Variants in VAT1L observed in about 807,000 individuals in gnomAD.
VAT1L encodes the protein vesicle amine transport 1 like.
VAT1L carries 34 observed loss-of-function variants against 44.1 expected under a neutral mutation model. That is an observed-to-expected ratio of 0.77 (90% CI 0.59 to 1.03). VAT1L has a LOEUF of 1.03. Ranked by LOEUF, VAT1L falls within the 50% of genes least tolerant of loss-of-function variation. The pLI, the probability that VAT1L is intolerant of heterozygous loss-of-function variation, is 0.00. For synonymous variants in VAT1L, 253 were observed against 202.2 expected (o/e 1.25, Z -2.13); for missense variants, 615 against 538.8 (o/e 1.14, Z -1.40).
intron 3 of VAT1L, among the ~76,000 whole-genome samples, chr16:77,831,224 T>C (rs1437999989): frequency 6.6e-6 from 1 of 152,184 alleles, no homozygotes; most frequent in Non-Finnish European, 1.5e-5. Flanking sequence ...ATGAAAATGG[T>C]AACATTTACC....
At chr16:77,968,585 C>T (rs1047343538) in intron 7 of VAT1L, among the ~76,000 whole-genome samples, 1 of 152,006 alleles carries the variant, frequency 6.6e-6, no homozygotes, top group East Asian at 2.0e-4. Context: ...ATTAGCCGGG[C>T]GTGGTGGCAG....
At chr16:77,957,038 T>A (rs536263522) in intron 7 of VAT1L, among the ~76,000 whole-genome samples, 1 of 152,208 alleles carries the variant, frequency 6.6e-6, no homozygotes, top group Non-Finnish European at 1.5e-5. Context: ...ATTAAAGTAA[T>A]TGTGGATTTT....
At chr16:77,970,256 G>A (rs887943591) in intron 7 of VAT1L, among the ~76,000 whole-genome samples, 2 of 151,962 alleles carry the variant, frequency 1.3e-5, no homozygotes, top group African/African-American at 4.8e-5. Context: ...TGTTGATTCC[G>A]ATCACTGCCA....
At chr16:77,895,040 T>G (rs1476624467) in intron 7 of VAT1L, among the ~76,000 whole-genome samples, 1 of 151,644 alleles carries the variant, frequency 6.6e-6, no homozygotes, top group Non-Finnish European at 1.5e-5. Flanking sequence ...CTGTGTGACT[T>G]CTTTCCCTTA....
At chr16:77,877,955 A>G (rs2017107446) in intron 5 of VAT1L, among the ~76,000 whole-genome samples, 1 of 152,230 alleles carries the variant, frequency 6.6e-6, no homozygotes, top group Non-Finnish European at 1.5e-5. Flanking sequence ...GATATCGGAT[A>G]TGACTAACAT....
chr16:77,927,255 G>A (rs902372795), intron 7 of VAT1L, among the ~76,000 whole-genome samples: 18 of 150,954 alleles, frequency 1.2e-4, no homozygotes, highest in African/African-American at 3.9e-4. Context: ...GGAGAATGGC[G>A]TGAACCTGGG....
intron 7 of VAT1L, among the ~76,000 whole-genome samples, chr16:77,906,420 C>G (rs1478475258): frequency 6.6e-6 from 1 of 152,198 alleles, no homozygotes; most frequent in African/African-American, 2.4e-5. Flanking sequence ...CACAATAGGA[C>G]AGTCATACGA....
chr16:77,833,760 GAAAAAGAAA>G (rs1341210594), intron 3 of VAT1L, among the ~76,000 whole-genome samples: 1 of 150,432 alleles, frequency 6.6e-6, no homozygotes, highest in Non-Finnish European at 1.5e-5. Context: ...AAAAAAAAAA[GAAAAAGAAA>G]AAAAAGAAAA....
chr16:77,937,691 G>A (rs1309510419), intron 7 of VAT1L, among the ~76,000 whole-genome samples: 1 of 152,320 alleles, frequency 6.6e-6, no homozygotes, highest in Non-Finnish European at 1.5e-5. Flanking sequence ...CAGTGAATAG[G>A]CCAGTTGGAG....
At chr16:77,833,041 C>G (rs1224719931) in intron 3 of VAT1L, among the ~76,000 whole-genome samples, 1 of 152,212 alleles carries the variant, frequency 6.6e-6, no homozygotes, top group Non-Finnish European at 1.5e-5. Flanking sequence ...TTACTCAAGT[C>G]AGCAACCCAA....
chr16:77,933,074 A>G (rs1597105747), intron 7 of VAT1L, among the ~76,000 whole-genome samples: 1 of 152,218 alleles, frequency 6.6e-6, no homozygotes. Context: ...AGAACCAGAT[A>G]TGGAAAAGTA....
At chr16:77,820,474 A>G (rs1046922671) in intron 2 of VAT1L, among the ~76,000 whole-genome samples, 21 of 152,312 alleles carry the variant, frequency 1.4e-4, no homozygotes, top group African/African-American at 4.8e-4. Context: ...CGAGCTCTGT[A>G]GGGGTGTTTC....
intron 7 of VAT1L, among the ~76,000 whole-genome samples, chr16:77,946,279 C>CTTATTTTTT (rs2017963497): frequency 1.4e-5 from 1 of 70,428 alleles, no homozygotes; most frequent in Non-Finnish European, 2.5e-5. Flanking sequence ...GTTACTTGTT[C>CTTATTTTTT]TTTTTTTTTT....
In VAT1L at chr16:77,884,599, T is replaced by C. The variant is rs1342889206; in HGVS notation, c.883-9T>C. On this transcript the variant is annotated splice_polypyrimidine_tract_variant and intron_variant, in intron 6 of 8. Coordinates refer to ENST00000302536, the MANE Select transcript of VAT1L (RefSeq NM_020927.3). The surrounding 1 kb of genome is among the most constrained non-coding windows in gnomAD (Gnocchi z 4.5). Reference sequence around the variant, plus strand: ...AGTTCCTATAACCCAATACCACCTCTCTTTGCAGTGGTGGCAGGTGGAGAA... The same window carrying C: ...AGTTCCTATAACCCAATACCACCTCCCTTTGCAGTGGTGGCAGGTGGAGAA... 1 of 1,611,780 alleles carries C rather than the reference T, an allele frequency of 6.2e-7. No individual in the cohort carries two copies. The highest frequency in any genetic ancestry group is 1.3e-5 in the African/African-American group (1 of 74,808).
intron 6 of VAT1L, among the ~76,000 whole-genome samples, chr16:77,883,044 G>A (rs534216371): frequency 6.6e-6 from 1 of 152,122 alleles, no homozygotes; most frequent in African/African-American, 2.4e-5. Flanking sequence ...TTTTCAACCT[G>A]CCTTTTCCAT....
chr16:77,868,034 C>G (rs1379831234), intron 4 of VAT1L, among the ~76,000 whole-genome samples: 2 of 152,128 alleles, frequency 1.3e-5, no homozygotes, highest in Admixed American at 1.3e-4. Context: ...CTTAAAATAT[C>G]ATGAGTCAAA....
chr16:77,929,915 G>A (rs2017710240), intron 7 of VAT1L, among the ~76,000 whole-genome samples: 1 of 152,148 alleles, frequency 6.6e-6, no homozygotes, highest in African/African-American at 2.4e-5. Flanking sequence ...CTTGAGTGGA[G>A]GAGTTTGAGA....
At chr16:77,936,250 T>C (rs1039119465) in intron 7 of VAT1L, among the ~76,000 whole-genome samples, 4 of 152,210 alleles carry the variant, frequency 2.6e-5, no homozygotes, top group Non-Finnish European at 1.5e-5. Flanking sequence ...CACTTGTCCA[T>C]CTTCAGCTAT....
chr16:77,820,833 T>C (rs1034206937), intron 2 of VAT1L, among the ~76,000 whole-genome samples: 5 of 152,206 alleles, frequency 3.3e-5, no homozygotes, highest in Non-Finnish European at 7.3e-5. Flanking sequence ...CAGGAACATA[T>C]TAGTTTTTGT....
Sources: allele counts gnomAD v4.1 joint callset (sites outside exome capture counted in the v4.1 genomes callset), GRCh38; gene constraint gnomAD v4.1.1; non-coding constraint Gnocchi (gnomAD v3.1); transcripts MANE v1.5; gene names NCBI Gene and HGNC (gene_info 2026-07-23, HGNC 2026-07-21).